The following RTN4 variants were observed in gnomAD, a reference collection of about 807,000 sequenced individuals.
The protein encoded by RTN4 is reticulon 4.
A neutral mutation model predicts 90.4 loss-of-function variants in RTN4; 32 were observed. The observed-to-expected ratio is 0.35, with a 90% CI of 0.27 to 0.48. The LOEUF (loss-of-function observed/expected upper bound fraction) is 0.48, where lower values mean the gene tolerates loss of function less well. RTN4 is among the 20% of genes least tolerant of loss of function. The probability of loss-of-function intolerance (pLI) is 0.99; values close to 1 mark genes in which losing one functional copy is unlikely to be tolerated. For synonymous variants in RTN4, 629 were observed against 552.5 expected (o/e 1.14, Z -1.94); for missense variants, 1,706 against 1,430.2 (o/e 1.19, Z -3.11).
upstream of RTN4, chr2:55,112,694 A>G (rs991899276): frequency 1.3e-5 from 2 of 152,368 alleles, no homozygotes; most frequent in African/African-American, 4.8e-5. Flanking sequence ...CGGCTCGAGC[A>G]TAGCCATGAA....
At chr2:55,076,633 C>G (rs1668605759) in intron 2 of RTN4, among the ~76,000 whole-genome samples, 1 of 152,076 alleles carries the variant, frequency 6.6e-6, no homozygotes, top group Admixed American at 6.5e-5. Context: ...CTCCTGACCT[C>G]AGATGATCTG....
intron 1 of RTN4, among the ~76,000 whole-genome samples, chr2:55,039,022 T>A (rs528836966): frequency 6.6e-6 from 1 of 152,214 alleles, no homozygotes; most frequent in East Asian, 1.9e-4. Flanking sequence ...ATTCATATGA[T>A]TGATGCTTTA....
intron 3 of RTN4, among the ~76,000 whole-genome samples, chr2:54,993,503 G>C (rs981787293): frequency 1.3e-5 from 2 of 152,162 alleles, no homozygotes; most frequent in African/African-American, 4.8e-5. Flanking sequence ...TCATGTATAA[G>C]GCCCAGCAGT....
At chr2:55,057,774 A>C (rs1243560492) in intron 2 of RTN4, among the ~76,000 whole-genome samples, 1 of 152,308 alleles carries the variant, frequency 6.6e-6, no homozygotes, top group Admixed American at 6.5e-5. Flanking sequence ...GCTTGAGGCC[A>C]GTAGTTTGAG....
chr2:54,983,751 G>C (rs955918685), intron 4 of RTN4, among the ~76,000 whole-genome samples: 3 of 152,194 alleles, frequency 2.0e-5, no homozygotes, highest in African/African-American at 7.2e-5. Context: ...CCTTATGTGA[G>C]CTATCTTAGA....
intron 3 of RTN4, among the ~76,000 whole-genome samples, chr2:55,011,924 G>A (rs1472952096): frequency 6.6e-6 from 1 of 152,120 alleles, no homozygotes; most frequent in Non-Finnish European, 1.5e-5. Context: ...TGTGATATTT[G>A]AGAACCCGGT....
chr2:55,051,997 G>A (rs1668101322), upstream of RTN4, among the ~76,000 whole-genome samples: 1 of 152,120 alleles, frequency 6.6e-6, no homozygotes, highest in Non-Finnish European at 1.5e-5. Flanking sequence ...CAAATTCTTA[G>A]CTCCAACTAA....
intron 2 of RTN4, among the ~76,000 whole-genome samples, chr2:55,058,972 G>A (rs960593389): frequency 6.6e-6 from 1 of 152,046 alleles, no homozygotes; most frequent in Non-Finnish European, 1.5e-5. Flanking sequence ...GCCTCTCAGA[G>A]TGCTGGGATT....
At position 55,110,138 on chromosome 2, in the gene RTN4, A is replaced by G. The variant is rs1268973259; in HGVS notation, c.-214+2382T>C. ...AGCCTGGGCAACATGGTGAAACCCC[A>G]TCTCTACCCAAAAAATACAAAAATT... On this transcript the variant is annotated intron_variant, in intron 1 of 3. Coordinates refer to the RTN4 transcript ENST00000427710. Among the ~76,000 whole-genome samples, 3 of 151,802 alleles carry G rather than the reference A, an allele frequency of 2.0e-5. No homozygotes were observed. The East Asian group carries it at 5.8e-4, about 29-fold the overall frequency.
At position 55,026,263 on chromosome 2, in the gene RTN4, A is replaced by T; in HGVS notation, c.1836T>A (p.Pro612=). The change falls in exon 3 of 9, where the codon CCT becomes CCA. Residue 612 remains proline, a synonymous_variant. Coordinates refer to ENST00000337526, the MANE Select transcript of RTN4 (RefSeq NM_020532.5). ...ESEATPSPVL[P]DIVMEAPLNS... Reference sequence around the variant, plus strand: ...TCAATGGTGCTTCCATAACAATGTCAGGCAAAACTGGTGAAGGAGTAGCTT... The same window carrying T: ...TCAATGGTGCTTCCATAACAATGTCTGGCAAAACTGGTGAAGGAGTAGCTT... 1 of 1,613,930 alleles carries T rather than the reference A, an allele frequency of 6.2e-7. No individual in the cohort carries two copies.
rs534430973 is a variant in RTN4 at position 55,089,888 on chromosome 2, C to G, written c.-213-9249G>C. On this transcript the variant is annotated intron_variant, in intron 1 of 3. Transcript: ENST00000427710. Reference sequence around the variant, plus strand: ...GACACCTGGGGCATGGAACATTTTCCCCATTACTGAGATCACTGACTGACA... The same window carrying G: ...GACACCTGGGGCATGGAACATTTTCGCCATTACTGAGATCACTGACTGACA... Among the ~76,000 whole-genome samples, 11 of 152,234 alleles carry G rather than the reference C, an allele frequency of 7.2e-5. No individual in the cohort carries two copies. In the South Asian group the frequency reaches 2.3e-3, roughly 32 times the overall value.
At chr2:55,131,980 G>C in the RTN4 span, among the ~76,000 whole-genome samples, 5 of 152,130 alleles carry the variant, frequency 3.3e-5, no homozygotes, top group Non-Finnish European at 7.4e-5. Context: ...TGTGCTAATG[G>C]TATACCATGT....
chr2:55,077,660 T>C (rs923315317), intron 2 of RTN4, among the ~76,000 whole-genome samples: 2 of 151,798 alleles, frequency 1.3e-5, no homozygotes, highest in Admixed American at 1.3e-4. Flanking sequence ...AAAAGATACC[T>C]GCACACACGT....
At chr2:55,009,971 C>G in intron 3 of RTN4, 1 of 1,167,530 alleles carries the variant, frequency 8.6e-7, no homozygotes, top group South Asian at 1.4e-5. Context: ...CTTTAGACTT[C>G]AACTCTTCAG....
chr2:55,008,329 A>AT (rs925607913), intron 3 of RTN4, among the ~76,000 whole-genome samples: 41 of 149,112 alleles, frequency 2.7e-4, no homozygotes, highest in South Asian at 1.5e-3. Flanking sequence ...CTGTCAAACT[A>AT]TTTTTTTTTT....
intron 1 of RTN4, among the ~76,000 whole-genome samples, chr2:55,105,210 C>CT (rs1667922701): frequency 8.3e-6 from 1 of 120,854 alleles, no homozygotes; most frequent in Non-Finnish European, 1.8e-5. Context: ...GCCTTCCCCC[C>CT]TTTTTTTGCT....
intron 2 of RTN4, among the ~76,000 whole-genome samples, chr2:55,073,842 C>A (rs1213321199): frequency 6.6e-6 from 1 of 152,162 alleles, no homozygotes; most frequent in Non-Finnish European, 1.5e-5. Context: ...TAAACTTATC[C>A]AGACCACTCG....
intron 1 of RTN4, among the ~76,000 whole-genome samples, chr2:55,040,521 G>A (rs563927834): frequency 6.6e-6 from 1 of 152,106 alleles, no homozygotes; most frequent in African/African-American, 2.4e-5. Context: ...CTTCCATTTA[G>A]GCGAGTTTAT....
chr2:55,049,939 G>A lies in RTN4; in HGVS notation c.362C>T (p.Ser121Phe). 7.4e-7 allele frequency: 1 copy of A among 1,345,972 alleles called. No homozygotes were observed. Among genetic ancestry groups the A allele is most frequent in the South Asian group, 1.8e-5 (1 of 54,460 alleles). The allele number at this position is 1,345,972 out of a possible 1,614,324, so 83.4% of individuals were successfully genotyped here. ...CGAGACTGCGGCAGCAGACAGCGGGGATGGCGCGGGCACGGTCGACGACAC... is the reference window on the plus strand; with the variant it reads ...CGAGACTGCGGCAGCAGACAGCGGGAATGGCGCGGGCACGGTCGACGACAC... ...SPVSSTVPAPSPLSAAAVSPS... is the reference protein window; with the variant it reads ...SPVSSTVPAPFPLSAAAVSPS... Residue 121 changes from serine (S) to phenylalanine (F), a missense_variant, in exon 1 of 9, where the codon TCC becomes TTC. Transcript: ENST00000337526.
Sources: gnomAD v4.1 joint callset for allele counts (sites outside exome capture counted in the v4.1 genomes callset) on GRCh38, gnomAD v4.1.1 for gene constraint, MANE v1.5 for transcripts, NCBI Gene and HGNC (gene_info 2026-07-23, HGNC 2026-07-21) for gene names.